DCDC1: variants seen among roughly 807,000 people sequenced by gnomAD.
DCDC1 encodes the protein doublecortin domain-containing protein 1.
In DCDC1, 200 loss-of-function variants were observed where a neutral mutation model predicts 178.3. The observed-to-expected ratio is 1.12, with a 90% CI of 1.00 to 1.26. The LOEUF (loss-of-function observed/expected upper bound fraction) is 1.26, where lower values mean the gene tolerates loss of function less well. Ranked by LOEUF, DCDC1 falls within the 50% of genes most tolerant of loss-of-function variation. The pLI is 0.00. For missense variants in DCDC1, 1,983 were observed against 1,749.2 expected, an observed-to-expected ratio of 1.13 and a Z score of -2.38; for synonymous variants, 690 against 604.8, an observed-to-expected ratio of 1.14 and a Z score of -2.07.
chr11:31,009,792 G>T (rs1249244015), intron 20 of DCDC1, among the ~76,000 whole-genome samples: 3 of 152,130 alleles, frequency 2.0e-5, no homozygotes, highest in Non-Finnish European at 4.4e-5. Flanking sequence ...TTTATAAAGG[G>T]AAGAGGTTTA....
chr11:31,092,597 T>A (rs1485812836), intron 16 of DCDC1, among the ~76,000 whole-genome samples: 2 of 152,228 alleles, frequency 1.3e-5, no homozygotes. Context: ...TTCAATTATT[T>A]AATAACTCCA....
chr11:31,007,001 T>C (rs1224355475), intron 20 of DCDC1, among the ~76,000 whole-genome samples: 1 of 152,232 alleles, frequency 6.6e-6, no homozygotes. Context: ...TTCTCCTCTC[T>C]GTTCATTATT....
chr11:30,972,958 C>T (rs1467364955), intron 20 of DCDC1, among the ~76,000 whole-genome samples: 1 of 152,010 alleles, frequency 6.6e-6, no homozygotes, highest in Non-Finnish European at 1.5e-5. Context: ...AGAGTTCTCA[C>T]AACATCTGCT....
At chr11:31,298,722 C>T (rs947878252) in intron 6 of DCDC1, among the ~76,000 whole-genome samples, 3 of 152,164 alleles carry the variant, frequency 2.0e-5, no homozygotes, top group African/African-American at 7.2e-5. Flanking sequence ...TTTCCTCAGT[C>T]TACTTCAAAA....
At chr11:31,277,865 C>T (rs1422846413) in intron 7 of DCDC1, among the ~76,000 whole-genome samples, 5 of 151,934 alleles carry the variant, frequency 3.3e-5, no homozygotes, top group Non-Finnish European at 5.9e-5. Flanking sequence ...CTGTGGCTTG[C>T]CTTTTCATTT....
intron 7 of DCDC1, among the ~76,000 whole-genome samples, chr11:31,268,175 C>T (rs1004813579): frequency 1.3e-5 from 2 of 152,056 alleles, no homozygotes; most frequent in African/African-American, 2.4e-5. Flanking sequence ...TGATGTCCTT[C>T]GGTACAATTT....
chr11:30,974,578 A>G (rs1248445314), intron 20 of DCDC1, among the ~76,000 whole-genome samples: 1 of 152,162 alleles, frequency 6.6e-6, no homozygotes, highest in African/African-American at 2.4e-5. Flanking sequence ...GACTATTATG[A>G]ATAACTATAC....
intron 27 of DCDC1, among the ~76,000 whole-genome samples, 177 bp from the exon 28 acceptor site, chr11:30,911,597 G>A (rs1945451792): frequency 6.6e-6 from 1 of 152,226 alleles, no homozygotes; most frequent in Admixed American, 6.5e-5. Context: ...TCAGTAGAGA[G>A]TGCTGGAAGA....
At chr11:31,147,205 T>C (rs1445523018) in intron 9 of DCDC1, among the ~76,000 whole-genome samples, 1 of 152,218 alleles carries the variant, frequency 6.6e-6, no homozygotes, top group Non-Finnish European at 1.5e-5. Context: ...TTATTTTATT[T>C]CTGTGTTGTT....
chr11:30,999,988 G>T (rs1204878599), intron 20 of DCDC1, among the ~76,000 whole-genome samples: 1 of 152,050 alleles, frequency 6.6e-6, no homozygotes, highest in African/African-American at 2.4e-5. Context: ...AGAAAGAAAA[G>T]GTCGGTCAAA....
At chr11:30,907,105 C>T (rs1945118762) in intron 29 of DCDC1, among the ~76,000 whole-genome samples, 1 of 152,048 alleles carries the variant, frequency 6.6e-6, no homozygotes, top group African/African-American at 2.4e-5. Context: ...GCCTCCACTG[C>T]CCCAAAATGG....
At chr11:31,022,755 T>A (rs771484154) in intron 20 of DCDC1, among the ~76,000 whole-genome samples, 1 of 151,668 alleles carries the variant, frequency 6.6e-6, no homozygotes, top group African/African-American at 2.4e-5. Context: ...TGTGTGTGTG[T>A]GTGTATAGGC....
intron 20 of DCDC1, among the ~76,000 whole-genome samples, chr11:31,017,700 C>T (rs1010203190): frequency 5.3e-5 from 8 of 152,096 alleles, no homozygotes; most frequent in African/African-American, 1.9e-4. Flanking sequence ...CCACCTCAGC[C>T]TCCTGAGTAG....
chr11:31,300,576 C>A (rs1430858037), intron 6 of DCDC1, among the ~76,000 whole-genome samples: 1 of 152,042 alleles, frequency 6.6e-6, no homozygotes, highest in Admixed American at 6.6e-5. Flanking sequence ...CAGCTGACTT[C>A]GAGTCTAGTG....
intron 7 of DCDC1, among the ~76,000 whole-genome samples, chr11:31,280,012 A>T (rs536769560): frequency 1.3e-5 from 2 of 152,018 alleles, no homozygotes; most frequent in South Asian, 2.1e-4. Context: ...ATTTAAACAT[A>T]AAAAAACTTG....
Position 30,941,018 on chromosome 11 carries a change from C to T in DCDC1, c.2716-9066G>A, listed in dbSNP as rs201812202. On this transcript the variant is annotated intron_variant, in intron 21 of 38. Transcript: ENST00000684477. Reference sequence around the variant, plus strand: ...TTAGTTAAAACATCTTTGTAAATTTCTAATATATGGTCTTATAAAATTATT... The same window carrying T: ...TTAGTTAAAACATCTTTGTAAATTTTTAATATATGGTCTTATAAAATTATT... Among the ~76,000 whole-genome samples, 3 of 152,146 alleles carry T rather than the reference C, an allele frequency of 2.0e-5. No homozygotes were observed. The East Asian group carries it at 5.8e-4, about 29-fold the overall frequency.
intron 9 of DCDC1, among the ~76,000 whole-genome samples, chr11:31,187,207 T>C (rs997452828): frequency 3.3e-5 from 5 of 152,208 alleles, no homozygotes; most frequent in Admixed American, 1.3e-4. Flanking sequence ...AGGTACTTAG[T>C]AAATATTTGT....
At chr11:31,185,612 T>G (rs184174858) in intron 9 of DCDC1, among the ~76,000 whole-genome samples, 191 of 152,272 alleles carry the variant, frequency 1.3e-3, no homozygotes, top group Non-Finnish European at 1.4e-3. Context: ...TGGTCAATTG[T>G]GTGGAAAATA....
At chr11:31,113,652 G>A (rs943698319) in intron 11 of DCDC1, among the ~76,000 whole-genome samples, 3 of 152,026 alleles carry the variant, frequency 2.0e-5, no homozygotes, top group Non-Finnish European at 4.4e-5. Flanking sequence ...GTATTCCATG[G>A]TGTATATGTA....
Sources: allele counts gnomAD v4.1 joint callset (sites outside exome capture counted in the v4.1 genomes callset), GRCh38; gene constraint gnomAD v4.1.1; transcripts MANE v1.5; gene names NCBI Gene and HGNC (gene_info 2026-07-23, HGNC 2026-07-21).